EIF5B: variants seen among roughly 807,000 people sequenced by gnomAD.
EIF5B encodes eIF-5B.
Under a neutral mutation model 147.5 loss-of-function variants are expected in EIF5B, and 47 were observed. That is an observed-to-expected ratio of 0.32 (90% CI 0.25 to 0.41). The LOEUF is 0.41. EIF5B is among the 10% of genes least tolerant of loss of function. The pLI is 1.00. For missense variants in EIF5B, 1,064 were observed against 1,413.2 expected (o/e 0.75, Z 3.96); for synonymous variants, 455 against 456.2 (o/e 1.00, Z 0.03).
At chr2:99,347,419 A>G (rs1263028037) in intron 1 of EIF5B, among the ~76,000 whole-genome samples, 3 of 152,184 alleles carry the variant, frequency 2.0e-5, no homozygotes, top group Non-Finnish European at 4.4e-5. Flanking sequence ...AGGGCTTCTC[A>G]AACTTTGTTC....
chr2:99,399,195 TTTA>T, intron 23 of EIF5B, 109 bp from the exon 24 acceptor site: 1 of 1,070,366 alleles, frequency 9.3e-7, no homozygotes, highest in Non-Finnish European at 1.3e-6. Flanking sequence ...AGCCCTGTTT[TTTA>T]TTTCTGCTTA....
chr2:99,394,972 A>G, intron 21 of EIF5B, 89 bp downstream of exon 21: 1 of 1,240,296 alleles, frequency 8.1e-7, no homozygotes, highest in Non-Finnish European at 1.1e-6. Flanking sequence ...AAACAGCAAA[A>G]TCATGGCATT....
At chr2:99,392,077 A>G (rs1674949364) in intron 17 of EIF5B, among the ~76,000 whole-genome samples, 1 of 151,944 alleles carries the variant, frequency 6.6e-6, no homozygotes, top group Admixed American at 6.5e-5. Flanking sequence ...TAAGATTTCT[A>G]TTCCATTGTG....
At chr2:99,358,286 C>G (rs1312704136) in intron 1 of EIF5B, among the ~76,000 whole-genome samples, 1 of 151,982 alleles carries the variant, frequency 6.6e-6, no homozygotes, top group African/African-American at 2.4e-5. Flanking sequence ...AGGCAGGTCT[C>G]GAACTCCTGG....
chr2:99,343,327 A>G (rs1294128962), intron 1 of EIF5B, among the ~76,000 whole-genome samples: 5 of 151,272 alleles, frequency 3.3e-5, no homozygotes, highest in Admixed American at 6.6e-5. Context: ...TATCAGATAT[A>G]TGATTTGCAG....
intron 1 of EIF5B, among the ~76,000 whole-genome samples, chr2:99,355,970 A>AT (rs1674089289): frequency 1.3e-5 from 2 of 152,260 alleles, no homozygotes; most frequent in South Asian, 4.1e-4. Flanking sequence ...GATTGTGAAG[A>AT]TAATACAGAG....
chr2:99,345,811 T>C (rs1168674631), intron 1 of EIF5B, among the ~76,000 whole-genome samples: 1 of 151,378 alleles, frequency 6.6e-6, no homozygotes. Flanking sequence ...AGTGTGGTGG[T>C]GTGTGCGTGT....
At chr2:99,378,472 A>T (rs1485594342) in intron 10 of EIF5B, among the ~76,000 whole-genome samples, 7 of 152,316 alleles carry the variant, frequency 4.6e-5, no homozygotes, top group Non-Finnish European at 7.4e-5. Flanking sequence ...GAAAGTCAGG[A>T]CATGTTTTAC....
In EIF5B at chr2:99,360,514, G is replaced by A. The variant is rs778008681; in HGVS notation, c.211G>A (p.Gly71Ser). Residue 71 changes from glycine (G) to serine (S), a missense_variant, in exon 3 of 24, where the codon GGC becomes AGC. Around this residue, in one of 4 missense-constraint regions of EIF5B, gnomAD observed 458 missense variants for 451.3 expected, o/e 1.01. Transcript: ENST00000289371. ...GGAAGAATTGTCTTTGGAAGCTCAA[G>A]GCATCAAAGCTGACAGAGAAACTGT... is the stretch of plus-strand genomic sequence containing the variant. ...ELEELSLEAQ[G>S]IKADRETVAV... 2 of 1,613,684 alleles carry A rather than the reference G, an allele frequency of 1.2e-6. No individual in the cohort carries two copies. Among genetic ancestry groups the A allele is most frequent in the Admixed American group, 3.3e-5 (2 of 59,952 alleles).
chr2:99,387,782 C>T (rs974861932), intron 14 of EIF5B, among the ~76,000 whole-genome samples: 1 of 152,146 alleles, frequency 6.6e-6, no homozygotes, highest in African/African-American at 2.4e-5. Flanking sequence ...GATCAGTGAG[C>T]ATGGTATCTC....
chr2:99,344,047 T>A (rs2094267084), intron 1 of EIF5B, among the ~76,000 whole-genome samples: 1 of 151,326 alleles, frequency 6.6e-6, no homozygotes, highest in South Asian at 2.1e-4. Context: ...GCCTCCCGAG[T>A]AGCTGGGACC....
intron 1 of EIF5B, among the ~76,000 whole-genome samples, chr2:99,356,701 A>G (rs1280235213): frequency 1.3e-5 from 2 of 151,902 alleles, no homozygotes; most frequent in African/African-American, 4.8e-5. Context: ...ACTTCCTACC[A>G]TTACACAGTG....
chr2:99,398,718 C>A (rs201445015), intron 22 of EIF5B, 30 bp from the exon 23 acceptor site: 2 of 1,589,986 alleles, frequency 1.3e-6, no homozygotes, highest in East Asian at 4.5e-5. Context: ...AATTCTTCTG[C>A]ATGCATTTTA....
chr2:99,355,908 C>T (rs1265558432), intron 1 of EIF5B, among the ~76,000 whole-genome samples: 3 of 152,002 alleles, frequency 2.0e-5, no homozygotes, highest in Non-Finnish European at 4.4e-5. Context: ...GCACTGCACC[C>T]GGCCTCCCTG....
intron 1 of EIF5B, among the ~76,000 whole-genome samples, chr2:99,346,814 C>A (rs1409391538): frequency 6.6e-6 from 1 of 151,636 alleles, no homozygotes; most frequent in Non-Finnish European, 1.5e-5. Context: ...TTGTGATCCA[C>A]CCGCCTCGGC....
chr2:99,351,639 A>G (rs571456254), intron 1 of EIF5B, among the ~76,000 whole-genome samples: 85 of 151,880 alleles, frequency 5.6e-4, no homozygotes, highest in Non-Finnish European at 7.5e-4. Flanking sequence ...ATTATTACCA[A>G]TCTTCAATTT....
chr2:99,349,018 A>G (rs914184210), intron 1 of EIF5B, among the ~76,000 whole-genome samples: 2 of 152,210 alleles, frequency 1.3e-5, no homozygotes, highest in South Asian at 2.1e-4. Flanking sequence ...GAGCATCTCT[A>G]TTTGATCTCT....
chr2:99,342,467 G>T (rs2094261892), intron 1 of EIF5B, among the ~76,000 whole-genome samples: 1 of 152,006 alleles, frequency 6.6e-6, no homozygotes, highest in Non-Finnish European at 1.5e-5. Context: ...CATTTAGTTG[G>T]TTAATTTAAT....
chr2:99,393,107 AT>A lies in EIF5B; in HGVS notation c.2880+12del. On this transcript the variant is annotated intron_variant, in intron 18 of 23. Coordinates refer to ENST00000289371, the MANE Select transcript of EIF5B (RefSeq NM_015904.4). ...AAATCCCTGTTCTTAAAGTAAGTTC[AT>A]TTAAAAATTTTTTTCCTTAAAAGCT... 1.3e-6 allele frequency: 2 copies of A among 1,515,252 alleles called. No individual in the cohort carries two copies. Among genetic ancestry groups the A allele is most frequent in the Non-Finnish European group, 1.8e-6 (2 of 1,130,524 alleles). 93.9% of individuals were successfully genotyped at this position (1,515,252 alleles called of 1,614,324 possible).
Sources: allele counts gnomAD v4.1 joint callset (sites outside exome capture counted in the v4.1 genomes callset), GRCh38; gene constraint gnomAD v4.1.1; regional missense constraint gnomAD v4.1.1; transcripts MANE v1.5; gene names NCBI Gene and HGNC (gene_info 2026-07-23, HGNC 2026-07-21).